PIK3C2G: variants seen among roughly 807,000 people sequenced by gnomAD.
The protein encoded by PIK3C2G is phosphatidylinositol 3-kinase C2 domain-containing subunit gamma.
In PIK3C2G, 168 loss-of-function variants were observed where a neutral mutation model predicts 181.1. The ratio of observed to expected loss-of-function variants is 0.93; its 90% CI spans 0.82 to 1.05. The LOEUF is 1.05. Among genes scored for constraint, PIK3C2G ranks in the 50% least tolerant of loss-of-function variants. The probability of loss-of-function intolerance (pLI) is 0.00; values close to 1 mark genes in which losing one functional copy is unlikely to be tolerated. For missense variants in PIK3C2G, 1,869 were observed against 1,732.8 expected (o/e 1.08, Z -1.40); for synonymous variants, 573 against 592.2 (o/e 0.97, Z 0.47).
intron 29 of PIK3C2G, among the ~76,000 whole-genome samples, chr12:18,582,666 A>G (rs1399219642): frequency 6.6e-6 from 1 of 152,136 alleles, no homozygotes; most frequent in African/African-American, 2.4e-5. Flanking sequence ...TGAGAATTTC[A>G]GTCAGTCACT....
intron 14 of PIK3C2G, among the ~76,000 whole-genome samples, chr12:18,383,993 T>A (rs73066515): frequency 2.1e-4 from 32 of 149,806 alleles, no homozygotes; most frequent in East Asian, 5.9e-4. Context: ...TATTATTTTT[T>A]TTTTTTTTGT....
intron 31 of PIK3C2G, among the ~76,000 whole-genome samples, chr12:18,613,230 A>C (rs2136619995): frequency 6.6e-6 from 1 of 152,068 alleles, no homozygotes; most frequent in East Asian, 1.9e-4. Context: ...CCTGCTCCAG[A>C]ATGTTCGCAT....
At chr12:18,711,529 T>TATAATA in the PIK3C2G span, among the ~76,000 whole-genome samples, 8,358 of 142,346 alleles carry the variant, frequency 0.059, 319 homozygotes, top group African/African-American at 0.093. Context: ...AAACTTAAAG[T>TATAATA]ATAATAATAA....
chr12:18,603,168 C>G (rs763185547), intron 30 of PIK3C2G, among the ~76,000 whole-genome samples: 1 of 152,088 alleles, frequency 6.6e-6, no homozygotes, highest in Non-Finnish European at 1.5e-5. Context: ...AAATAGATAT[C>G]TTAAAAAACA....
chr12:18,619,619 C>T (rs1398700237), intron 31 of PIK3C2G, among the ~76,000 whole-genome samples: 1 of 151,674 alleles, frequency 6.6e-6, no homozygotes, highest in Non-Finnish European at 1.5e-5. Flanking sequence ...TTTTCTTTGT[C>T]TTTGGATTAT....
chr12:18,661,733 T>C, the PIK3C2G span, among the ~76,000 whole-genome samples: 1 of 152,138 alleles, frequency 6.6e-6, no homozygotes, highest in Non-Finnish European at 1.5e-5. Flanking sequence ...GAAAGCAGTT[T>C]GGTGATTTCT....
At chr12:18,518,818 T>C (rs1031175422) in intron 24 of PIK3C2G, among the ~76,000 whole-genome samples, 2 of 152,186 alleles carry the variant, frequency 1.3e-5, no homozygotes, top group African/African-American at 2.4e-5. Context: ...AATTTAATTG[T>C]GATGTTAGAG....
At chr12:18,349,717 T>C (rs1480345280) in intron 11 of PIK3C2G, among the ~76,000 whole-genome samples, 2 of 152,154 alleles carry the variant, frequency 1.3e-5, no homozygotes, top group African/African-American at 4.8e-5. Flanking sequence ...AAATTTATCG[T>C]TTTGTGTATG....
At chr12:18,349,543 T>C (rs1940010070) in intron 11 of PIK3C2G, among the ~76,000 whole-genome samples, 1 of 152,202 alleles carries the variant, frequency 6.6e-6, no homozygotes, top group East Asian at 1.9e-4. Context: ...TGTATCTTAC[T>C]TAGAATAATT....
chr12:18,487,096 T>TTGTGTGTGTGTG (rs35440588), intron 18 of PIK3C2G, among the ~76,000 whole-genome samples: 10,314 of 142,038 alleles, frequency 0.073, 450 homozygotes, highest in South Asian at 0.13. Context: ...TTGAGGTATT[T>TTGTGTGTGTGTG]TGTGTGTGTG....
the PIK3C2G span, among the ~76,000 whole-genome samples, chr12:18,687,611 A>G: frequency 6.6e-6 from 1 of 152,134 alleles, no homozygotes; most frequent in Non-Finnish European, 1.5e-5. Context: ...AAATGACTGA[A>G]TTATCCAAAA....
the PIK3C2G span, chr12:18,693,275 C>T: frequency 5.9e-6 from 9 of 1,517,800 alleles, no homozygotes; most frequent in East Asian, 1.8e-4. Flanking sequence ...TGATGGATGA[C>T]ATGGATCCCC....
intron 32 of PIK3C2G, among the ~76,000 whole-genome samples, chr12:18,643,225 C>T (rs1304453594): frequency 1.3e-5 from 2 of 152,012 alleles, no homozygotes; most frequent in Non-Finnish European, 1.5e-5. Context: ...GCTTGCAATA[C>T]CTAGGTCCTC....
At chr12:18,376,416 C>T (rs1436903564) in intron 13 of PIK3C2G, among the ~76,000 whole-genome samples, 3 of 152,150 alleles carry the variant, frequency 2.0e-5, no homozygotes, top group Non-Finnish European at 4.4e-5. Flanking sequence ...AATTTCTGTA[C>T]CCTCATTTTA....
the PIK3C2G span, among the ~76,000 whole-genome samples, chr12:18,717,397 T>A: frequency 2.0e-5 from 3 of 152,214 alleles, no homozygotes; most frequent in Non-Finnish European, 4.4e-5. Flanking sequence ...TATTTACTTG[T>A]ATGTTTGATA....
In PIK3C2G at chr12:18,566,974, T is replaced by TGTAAAAGGTA. The variant is rs777666243; in HGVS notation, c.3928_3929insGTAAAAGGTA (p.Phe1310CysfsTer28). Reference sequence around the variant, plus strand: ...GTTTCCTCATTGGTGGCACCTACCTTTTACAAATTCAGATCACAGAAGATT... The same window carrying TGTAAAAGGTA: ...GTTTCCTCATTGGTGGCACCTACCTTGTAAAAGGTATTACAAATTCAGATCACAGAAGATT... On this transcript the variant is annotated frameshift_variant, in exon 29 of 33. Coordinates refer to ENST00000538779, the MANE Select transcript of PIK3C2G (RefSeq NM_001288772.2). LOFTEE classifies it high-confidence loss of function. The TGTAAAAGGTA allele has an allele frequency of 2.4e-5, 38 of 1,599,112 alleles. No homozygotes were observed. The East Asian group carries it at 8.5e-4, about 36-fold the overall frequency.
intron 16 of PIK3C2G, among the ~76,000 whole-genome samples, chr12:18,404,406 T>C (rs1034956103): frequency 5.3e-5 from 8 of 152,038 alleles, no homozygotes; most frequent in African/African-American, 1.9e-4. Flanking sequence ...CTAAACAAGG[T>C]ACAATTTATA....
chr12:18,269,932 T>C (rs1948676481), intron 1 of PIK3C2G, among the ~76,000 whole-genome samples: 1 of 136,250 alleles, frequency 7.3e-6, no homozygotes, highest in Non-Finnish European at 1.6e-5. Flanking sequence ...TTTTTTGAGA[T>C]GGCATCTCTC....
chr12:18,534,852 G>A (rs1239246544), intron 24 of PIK3C2G, among the ~76,000 whole-genome samples: 1 of 151,000 alleles, frequency 6.6e-6, no homozygotes, highest in Non-Finnish European at 1.5e-5. Flanking sequence ...TGAATAAAAG[G>A]TACAGAAGCA....
Sources: allele counts gnomAD v4.1 joint callset (sites outside exome capture counted in the v4.1 genomes callset), GRCh38; gene constraint gnomAD v4.1.1; transcripts MANE v1.5; gene names NCBI Gene and HGNC (gene_info 2026-07-23, HGNC 2026-07-21).